DUSP16: variants seen among roughly 807,000 people sequenced by gnomAD.
DUSP16 encodes dual specificity phosphatase 16, also known as dual specificity protein phosphatase 16.
Under a neutral mutation model 58.3 loss-of-function variants are expected in DUSP16, and 21 were observed. The observed-to-expected ratio is 0.36, with a 90% CI of 0.26 to 0.52. The LOEUF (loss-of-function observed/expected upper bound fraction) is 0.52. Ranked by LOEUF, DUSP16 falls within the 20% of genes least tolerant of loss-of-function variation. The pLI is 0.94. For synonymous variants in DUSP16, 320 were observed against 323.8 expected (o/e 0.99, Z 0.12); for missense variants, 726 against 819.0 (o/e 0.89, Z 1.39).
intron 4 of DUSP16, among the ~76,000 whole-genome samples, chr12:12,497,737 T>A (rs1174589969): frequency 2.6e-5 from 4 of 151,330 alleles, no homozygotes; most frequent in Non-Finnish European, 1.5e-5. Context: ...TTTGGGAGGC[T>A]GAGGCGGGCG....
intron 1 of DUSP16, among the ~76,000 whole-genome samples, chr12:12,528,170 C>T (rs1409521242): frequency 6.6e-6 from 1 of 152,192 alleles, no homozygotes; most frequent in African/African-American, 2.4e-5. Context: ...CTCCTTCCCC[C>T]TCCCAACCTT....
Position 12,500,594 on chromosome 12 carries a change from T to A in DUSP16, c.456A>T (p.Leu152Phe). ...GGGTTGGCCCAATGTTGGCAACAGG[T>A]AAGCAAGGCTGAGAAATGCAGGTAG... ...LVPTCISQPCLPVANIGPTRI... is the reference protein window; with the variant it reads ...LVPTCISQPCFPVANIGPTRI... Residue 152 changes from leucine (L) to phenylalanine (F), a missense_variant, in exon 4 of 7, where the codon TTA (leucine) becomes TTT (phenylalanine). By Grantham distance (22) the Leu-to-Phe change is conservative. Coordinates refer to ENST00000298573, the MANE Select transcript of DUSP16 (RefSeq NM_030640.3). The A allele has an allele frequency of 6.2e-7, 1 of 1,612,074 alleles. No homozygotes were observed. The highest frequency in any genetic ancestry group is 8.5e-7 in the Non-Finnish European group (1 of 1,179,206).
chr12:12,560,946 T>TCACACCCACACACACACACACACACA (rs1555170877), intron 1 of DUSP16: 1 of 148,144 alleles, frequency 6.8e-6, no homozygotes, highest in African/African-American at 2.5e-5. Flanking sequence ...ATGGTAAATT[T>TCACACCCACACACACACACACACACA]CACACACACA....
At chr12:12,550,852 G>A (rs972099723) in intron 1 of DUSP16, among the ~76,000 whole-genome samples, 3 of 151,544 alleles carry the variant, frequency 2.0e-5, no homozygotes, top group East Asian at 3.9e-4. Context: ...TAACAAACCT[G>A]CACGTGCTGC....
chr12:12,562,604 T>A lies in DUSP16; in HGVS notation c.-853A>T, dbSNP rs1447633649. 6.6e-6 allele frequency among the ~76,000 whole-genome samples: 1 copy of A among 151,858 alleles called. No individual in the cohort carries two copies. Among genetic ancestry groups the A allele is most frequent in the African/African-American group, 2.4e-5 (1 of 41,374 alleles). On this transcript the variant is annotated 5_prime_UTR_variant, in exon 1 of 7. Coordinates refer to ENST00000298573, the MANE Select transcript of DUSP16 (RefSeq NM_030640.3). ...GGTTGGGGGAAAGAGAAAGAGTCGC[T>A]GGTCAGGAAACTTCAAGCGCGGATG...
chr12:12,559,112 G>A (rs1274598246), intron 1 of DUSP16, among the ~76,000 whole-genome samples: 3 of 151,898 alleles, frequency 2.0e-5, no homozygotes, highest in East Asian at 3.9e-4. Context: ...ATAATGAAAT[G>A]CATACAAATA....
intron 5 of DUSP16, among the ~76,000 whole-genome samples, chr12:12,483,897 A>G (rs1182423957): frequency 6.6e-6 from 1 of 152,170 alleles, no homozygotes; most frequent in Admixed American, 6.5e-5. Flanking sequence ...TTAAGGGGGT[A>G]CATCTTCAAA....
chr12:12,533,265 A>G (rs1944417342), intron 1 of DUSP16, among the ~76,000 whole-genome samples: 2 of 152,248 alleles, frequency 1.3e-5, no homozygotes, highest in Non-Finnish European at 2.9e-5. Context: ...TAAAGTTTCC[A>G]AAATAAACCT....
At chr12:12,504,980 TATAA>T (rs1466419191) in intron 3 of DUSP16, among the ~76,000 whole-genome samples, 6 of 152,228 alleles carry the variant, frequency 3.9e-5, no homozygotes, top group African/African-American at 1.4e-4. Flanking sequence ...ATTTGAACCT[TATAA>T]ATGATTATTT....
At chr12:12,552,341 G>A (rs987732678) in intron 1 of DUSP16, among the ~76,000 whole-genome samples, 7 of 152,052 alleles carry the variant, frequency 4.6e-5, no homozygotes, top group African/African-American at 7.2e-5. Context: ...AGTTACTTGA[G>A]AGGCTGAGGC....
intron 4 of DUSP16, among the ~76,000 whole-genome samples, chr12:12,500,009 A>C (rs1220132510): frequency 6.6e-6 from 1 of 152,072 alleles, no homozygotes; most frequent in African/African-American, 2.4e-5. Flanking sequence ...AAAGAGCTTT[A>C]ACCCAGGGAG....
At chr12:12,557,259 T>C (rs1944819203) in intron 1 of DUSP16, among the ~76,000 whole-genome samples, 1 of 151,398 alleles carries the variant, frequency 6.6e-6, no homozygotes. Flanking sequence ...ATCGAGACCA[T>C]CCTGGCCAAC....
chr12:12,478,404 C>T (rs1465298260), intron 6 of DUSP16, among the ~76,000 whole-genome samples: 1 of 151,984 alleles, frequency 6.6e-6, no homozygotes, highest in Non-Finnish European at 1.5e-5. Flanking sequence ...ATGATCATAG[C>T]TCACTGCAGC....
intron 1 of DUSP16, among the ~76,000 whole-genome samples, chr12:12,543,414 T>C (rs1944594765): frequency 6.6e-6 from 1 of 152,220 alleles, no homozygotes. Flanking sequence ...TAGTAGATGC[T>C]GTTCTTTTAT....
chr12:12,520,305 TAAAC>T (rs1944213941), intron 2 of DUSP16, among the ~76,000 whole-genome samples: 1 of 152,170 alleles, frequency 6.6e-6, no homozygotes, highest in Admixed American at 6.5e-5. Flanking sequence ...ACCCTGGACC[TAAAC>T]AAACTTTTTT....
intron 6 of DUSP16, among the ~76,000 whole-genome samples, chr12:12,478,457 T>A (rs1592160453): frequency 6.6e-6 from 1 of 152,086 alleles, no homozygotes; most frequent in African/African-American, 2.4e-5. Flanking sequence ...CTCAGCCTCC[T>A]GAGTAGCTGG....
intron 4 of DUSP16, among the ~76,000 whole-genome samples, chr12:12,499,487 T>C (rs11054937): frequency 0.46 from 68,903 of 151,240 alleles, 16,194 homozygotes; most frequent in East Asian, 0.7. Context: ...GTTTTAAACA[T>C]ACACACACTC....
Position 12,477,108 on chromosome 12 carries a change from C to G in DUSP16, c.1723G>C (p.Gly575Arg). The change falls in exon 7 of 7, where the codon GGC becomes CGC. Residue 575 changes from glycine to arginine, a missense_variant. Transcript: ENST00000298573. The surrounding 1 kb of genome is among the most constrained non-coding windows in gnomAD (Gnocchi z 4.1). ...CTGTAGGCAGAGTAACTGGCACTGCCTCCGTAGATGGCTGAGGCAGAGTAG... is the reference window on the plus strand; with the variant it reads ...CTGTAGGCAGAGTAACTGGCACTGCGTCCGTAGATGGCTGAGGCAGAGTAG... ...HFYSASAIYG[G>R]SASYSAYSCS... is the part of the protein sequence containing the mutation. The G allele has an allele frequency of 6.2e-7, 1 of 1,614,240 alleles. No individual in the cohort carries two copies. Among genetic ancestry groups the G allele is most frequent in the Non-Finnish European group, 8.5e-7 (1 of 1,180,046 alleles).
chr12:12,545,683 T>C (rs1021401017), intron 1 of DUSP16, among the ~76,000 whole-genome samples: 5 of 152,222 alleles, frequency 3.3e-5, no homozygotes, highest in Admixed American at 6.5e-5. Context: ...TACACTGTAA[T>C]GTAACCATCA....
Sources: allele counts gnomAD v4.1 joint callset (sites outside exome capture counted in the v4.1 genomes callset), GRCh38; gene constraint gnomAD v4.1.1; non-coding constraint Gnocchi (gnomAD v3.1); transcripts MANE v1.5; gene names NCBI Gene and HGNC (gene_info 2026-07-23, HGNC 2026-07-21).